GALNT11: variants seen among roughly 807,000 people sequenced by gnomAD.
The protein encoded by GALNT11 is polypeptide N-acetylgalactosaminyltransferase 11.
A neutral mutation model predicts 72.7 loss-of-function variants in GALNT11; 47 were observed. The ratio of observed to expected loss-of-function variants is 0.65; its 90% CI spans 0.51 to 0.82. GALNT11 has a LOEUF of 0.82. Among genes scored for constraint, GALNT11 ranks in the 40% least tolerant of loss-of-function variants. The pLI is 0.00. For synonymous variants in GALNT11, 270 were observed against 286.6 expected, an observed-to-expected ratio of 0.94 and a Z score of 0.58; for missense variants, 677 against 778.4, an observed-to-expected ratio of 0.87 and a Z score of 1.55.
chr7:152,037,401 A>G (rs541443150), intron 1 of GALNT11, among the ~76,000 whole-genome samples: 2 of 152,230 alleles, frequency 1.3e-5, no homozygotes, highest in South Asian at 2.1e-4. Context: ...TGGGTTCTCC[A>G]TTCTGTTTCA....
chr7:152,056,362 C>A (rs955841804), intron 1 of GALNT11, among the ~76,000 whole-genome samples: 5 of 152,282 alleles, frequency 3.3e-5, no homozygotes, highest in Middle Eastern at 3.4e-3. Context: ...CCAAAAATGT[C>A]TTCAGACACT....
In GALNT11 at chr7:152,108,271, G is replaced by A. The variant is rs1043744875; in HGVS notation, c.946G>A (p.Ala316Thr). 6.2e-7 allele frequency: 1 copy of A among 1,610,318 alleles called. No homozygotes were observed. The highest frequency in any genetic ancestry group is 1.1e-5 in the South Asian group (1 of 91,006). The change falls in exon 6 of 12, where the codon GCC becomes ACC. Residue 316 changes from alanine (A) to threonine (T), a missense_variant. Physicochemically the swap from Ala to Thr is moderately conservative, Grantham distance 58 (BLOSUM62 0). Transcript: ENST00000430044. ...TTCTGAGCTAGGACGAGCGGAGGGA[G>A]CCACTGCACCAATAAAGTAAGATCG... ...PLSELGRAEG[A>T]TAPIKSPTMA...
intron 4 of GALNT11, among the ~76,000 whole-genome samples, 193 bp from the exon 5 acceptor site, chr7:152,105,052 A>G (rs1352177520): frequency 6.6e-6 from 1 of 152,220 alleles, no homozygotes; most frequent in Non-Finnish European, 1.5e-5. Context: ...CTAGTATTCC[A>G]GCTCTTACCC....
intron 1 of GALNT11, among the ~76,000 whole-genome samples, chr7:152,046,176 T>G (rs2083111719): frequency 6.6e-6 from 1 of 152,150 alleles, no homozygotes; most frequent in African/African-American, 2.4e-5. Context: ...TCAGTTTGTT[T>G]GAATTTTTAA....
intron 10 of GALNT11, 55 bp downstream of exon 10, chr7:152,118,837 G>A (rs868734438): frequency 1.4e-6 from 2 of 1,422,812 alleles, no homozygotes; most frequent in Non-Finnish European, 1.9e-6. Flanking sequence ...TTCCAGTGTA[G>A]GGAAGCTGCT....
chr7:152,079,791 G>A (rs1483679114), intron 1 of GALNT11, among the ~76,000 whole-genome samples: 1 of 152,130 alleles, frequency 6.6e-6, no homozygotes, highest in Non-Finnish European at 1.5e-5. Flanking sequence ...GGGGTATGTG[G>A]GTACTGTACT....
intron 1 of GALNT11, among the ~76,000 whole-genome samples, chr7:152,033,759 A>G (rs942448285): frequency 1.3e-5 from 2 of 152,098 alleles, no homozygotes; most frequent in East Asian, 1.9e-4. Flanking sequence ...GATCTGAGTC[A>G]AGGTCCCAGT....
At position 152,118,739 on chromosome 7, in the gene GALNT11, G is replaced by A; in HGVS notation, c.1514G>A (p.Gly505Asp). ...VAQGRPSQKG[G>D]LVVLKACDYS... ...CAGGGCCGCCCAAGTCAGAAGGGAGGTCTCGTGGTGCTTAAGGCCTGTGAC... is the reference window on the plus strand; with the variant it reads ...CAGGGCCGCCCAAGTCAGAAGGGAGATCTCGTGGTGCTTAAGGCCTGTGAC... Residue 505 changes from glycine (G) to aspartate (D), a missense_variant, in exon 10 of 12, where the codon GGT becomes GAT. Gly to Asp is a moderately conservative substitution (Grantham distance 94, BLOSUM62 -1). Transcript: ENST00000430044. 8 of 1,611,862 alleles carry A rather than the reference G, an allele frequency of 5.0e-6. No individual in the cohort carries two copies. Among genetic ancestry groups the A allele is most frequent in the Non-Finnish European group, 6.8e-6 (8 of 1,179,270 alleles).
intron 1 of GALNT11, among the ~76,000 whole-genome samples, chr7:152,060,896 C>T (rs1404371103): frequency 2.0e-5 from 3 of 152,230 alleles, no homozygotes; most frequent in South Asian, 4.1e-4. Flanking sequence ...GGGTTGGTTC[C>T]AAGTCTTTGC....
chr7:152,108,346 A>G, intron 6 of GALNT11, 59 bp downstream of exon 6: 1 of 1,544,196 alleles, frequency 6.5e-7, no homozygotes, highest in Non-Finnish European at 8.8e-7. Flanking sequence ...AGAGAACAAA[A>G]TGATATTAAA....
chr7:152,094,496 G>A lies in GALNT11; in HGVS notation c.269G>A (p.Gly90Asp), dbSNP rs1048898384. The change falls in exon 2 of 12, where the codon GGC becomes GAC. Residue 90 changes from glycine to aspartate, a missense_variant. Transcript: ENST00000430044. This position sits in a 1 kb window ranked among gnomAD's most constrained non-coding sequence, Gnocchi z 4.3. The stretch of plus-strand genomic sequence containing the variant: ...AGTCGTGTTGAAGATCCAGAAGAAG[G>A]CCACTTGAAATTCTCTTCTGAATTA... ...IDSRVEDPEE[G>D]HLKFSSELGM... The A allele has an allele frequency of 1.2e-6, 2 of 1,611,388 alleles. No homozygotes were observed. Among genetic ancestry groups the A allele is most frequent in the Non-Finnish European group, 1.7e-6 (2 of 1,178,338 alleles).
intron 1 of GALNT11, among the ~76,000 whole-genome samples, chr7:152,087,739 A>G (rs1037258477): frequency 6.6e-6 from 1 of 152,222 alleles, no homozygotes; most frequent in Non-Finnish European, 1.5e-5. Flanking sequence ...CCTTGTGAAG[A>G]CTATCTTGGT....
intron 1 of GALNT11, among the ~76,000 whole-genome samples, chr7:152,032,291 G>A (rs1036580041): frequency 6.6e-6 from 1 of 152,164 alleles, no homozygotes; most frequent in Non-Finnish European, 1.5e-5. Context: ...TGTGTGGTCT[G>A]TGGGATCCTC....
chr7:152,051,199 G>GTTTTTTTTTTTT (rs35668155), intron 1 of GALNT11, among the ~76,000 whole-genome samples: 11 of 46,822 alleles, frequency 2.3e-4, no homozygotes, highest in East Asian at 5.4e-4. Context: ...ATATCTGGTT[G>GTTTTTTTTTTTT]TTTTTTTTTT....
At position 152,116,884 on chromosome 7, in the gene GALNT11, T is replaced by G. The variant is rs953491040; in HGVS notation, c.1234-273T>G. The G allele has an allele frequency of 4.1e-5, 24 of 591,052 alleles. No individual in the cohort carries two copies. The East Asian group carries it at 6.4e-4, about 16-fold the overall frequency. 36.6% of individuals were successfully genotyped at this position (591,052 alleles called of 1,614,324 possible). ...TTGTAGGTTTCTCTGTTTTAATTTC[T>G]GTGTGATAAATATGAACAGACACAG... On this transcript the variant is annotated intron_variant, in intron 8 of 11. Transcript: ENST00000430044.
intron 1 of GALNT11, among the ~76,000 whole-genome samples, chr7:152,028,265 T>C (rs1216747774): frequency 1.3e-5 from 2 of 152,206 alleles, no homozygotes; most frequent in Non-Finnish European, 2.9e-5. Flanking sequence ...AGCTGATTAG[T>C]CCATTTTAGA....
intron 9 of GALNT11, chr7:152,118,006 G>T (rs1418000176): frequency 6.5e-6 from 1 of 152,690 alleles, no homozygotes; most frequent in African/African-American, 2.4e-5. Flanking sequence ...TGTCTGTGTT[G>T]CCCAGTGTCC....
At chr7:152,103,630 T>C (rs773964601) in intron 4 of GALNT11, 28 of 233,558 alleles carry the variant, frequency 1.2e-4, no homozygotes, top group Admixed American at 3.5e-4. Flanking sequence ...GGAATCCACA[T>C]TGGTACAGTG....
intron 7 of GALNT11, 125 bp downstream of exon 7, chr7:152,110,770 G>A: frequency 1.3e-6 from 1 of 747,090 alleles, no homozygotes; most frequent in Admixed American, 2.6e-5. Flanking sequence ...TTTCTCTGCT[G>A]CCCAGGTTGG....
Sources: allele counts gnomAD v4.1 joint callset (sites outside exome capture counted in the v4.1 genomes callset), GRCh38; gene constraint gnomAD v4.1.1; non-coding constraint Gnocchi (gnomAD v3.1); transcripts MANE v1.5; gene names NCBI Gene and HGNC (gene_info 2026-07-23, HGNC 2026-07-21).